ABTB3: variants seen among roughly 807,000 people sequenced by gnomAD.
The protein encoded by ABTB3 is ankyrin repeat- and BTB/POZ domain-containing protein 3.
chr12:107,390,647 G>A, the ABTB3 span, among the ~76,000 whole-genome samples: 1 of 152,200 alleles, frequency 6.6e-6, no homozygotes, highest in Non-Finnish European at 1.5e-5. Context: ...AACAATACTG[G>A]TTAGTGCTGA....
chr12:107,596,026 T>C, the ABTB3 span, among the ~76,000 whole-genome samples: 1 of 152,180 alleles, frequency 6.6e-6, no homozygotes, highest in Admixed American at 6.5e-5. Context: ...ATAAATGCTA[T>C]GTGTTTGCTA....
the ABTB3 span, chr12:107,620,277 A>G: frequency 4.0e-4 from 550 of 1,370,346 alleles, 2 homozygotes; most frequent in Middle Eastern, 4.9e-3. Context: ...CACTACGGTC[A>G]TAGCGACCAG....
chr12:107,577,355 G>A, the ABTB3 span, among the ~76,000 whole-genome samples: 12 of 152,112 alleles, frequency 7.9e-5, no homozygotes, highest in Non-Finnish European at 1.6e-4. Context: ...GCAGATCCAG[G>A]GCTGGGATTC....
At chr12:107,559,198 C>T in the ABTB3 span, among the ~76,000 whole-genome samples, 2 of 152,204 alleles carry the variant, frequency 1.3e-5, no homozygotes, top group African/African-American at 4.8e-5. Flanking sequence ...ATGACAAGCC[C>T]ATGGCTGAGT....
chr12:107,461,020 A>G, the ABTB3 span, among the ~76,000 whole-genome samples: 5 of 152,202 alleles, frequency 3.3e-5, no homozygotes, highest in African/African-American at 1.2e-4. Flanking sequence ...TAATGGGCTC[A>G]CAGTTCCTCA....
chr12:107,613,023 G>T, the ABTB3 span, among the ~76,000 whole-genome samples: 1 of 152,176 alleles, frequency 6.6e-6, no homozygotes, highest in Non-Finnish European at 1.5e-5. Context: ...TGTGGCCCTG[G>T]TGAGACCACC....
chr12:107,628,129 G>T, the ABTB3 span, among the ~76,000 whole-genome samples: 1 of 152,140 alleles, frequency 6.6e-6, no homozygotes, highest in Admixed American at 6.5e-5. Context: ...ATCTGTAGAG[G>T]TGGGTCTTTT....
the ABTB3 span, among the ~76,000 whole-genome samples, chr12:107,336,157 CA>C: frequency 6.6e-6 from 1 of 152,212 alleles, no homozygotes; most frequent in Non-Finnish European, 1.5e-5. Context: ...AGACACTTCC[CA>C]ACCTTCCATG....
the ABTB3 span, among the ~76,000 whole-genome samples, chr12:107,558,939 A>AC: frequency 7.9e-5 from 12 of 151,762 alleles, no homozygotes; most frequent in African/African-American, 2.9e-4. Flanking sequence ...CCTCTTGCCC[A>AC]CCCCCCGTGG....
chr12:107,439,597 C>A, the ABTB3 span, among the ~76,000 whole-genome samples: 3 of 152,196 alleles, frequency 2.0e-5, no homozygotes, highest in African/African-American at 7.2e-5. Context: ...TTTCTCCCGG[C>A]CCAGCACAGA....
the ABTB3 span, among the ~76,000 whole-genome samples, chr12:107,530,360 C>T: frequency 2.2e-3 from 338 of 152,296 alleles, 3 homozygotes; most frequent in African/African-American, 7.8e-3. Flanking sequence ...GTCTTCCACC[C>T]TCAACCTAGA....
chr12:107,656,170 G>A, the ABTB3 span, among the ~76,000 whole-genome samples: 3,399 of 150,762 alleles, frequency 0.023, 144 homozygotes, highest in African/African-American at 0.078. Flanking sequence ...ACATGGTGGC[G>A]CACACCTCTA....
At chr12:107,514,239 C>G in the ABTB3 span, among the ~76,000 whole-genome samples, 1 of 152,160 alleles carries the variant, frequency 6.6e-6, no homozygotes, top group Non-Finnish European at 1.5e-5. Flanking sequence ...TGCCGCCAGG[C>G]CAGTCCCAGA....
the ABTB3 span, among the ~76,000 whole-genome samples, chr12:107,388,194 A>G: frequency 1.3e-5 from 2 of 150,548 alleles, no homozygotes; most frequent in African/African-American, 4.9e-5. Flanking sequence ...CTAGCCTCGA[A>G]CTCCTGATCT....
the ABTB3 span, among the ~76,000 whole-genome samples, chr12:107,578,264 A>G: frequency 6.6e-6 from 1 of 152,150 alleles, no homozygotes; most frequent in East Asian, 1.9e-4. Flanking sequence ...GAATAGGTAC[A>G]TAGAAAATTC....
the ABTB3 span, among the ~76,000 whole-genome samples, chr12:107,326,183 G>T: frequency 1.3e-5 from 2 of 152,206 alleles, no homozygotes; most frequent in Non-Finnish European, 2.9e-5. Flanking sequence ...GGGATTACAG[G>T]CATGAGCCCC....
chr12:107,437,998 C>T, the ABTB3 span, among the ~76,000 whole-genome samples: 7 of 152,100 alleles, frequency 4.6e-5, 1 homozygote, highest in Non-Finnish European at 2.9e-5. Flanking sequence ...ACAAGAGAGA[C>T]TGATTTGCAT....
At chr12:107,347,444 G>T in the ABTB3 span, among the ~76,000 whole-genome samples, 7 of 151,734 alleles carry the variant, frequency 4.6e-5, no homozygotes, top group Non-Finnish European at 1.0e-4. Context: ...CCCAGGAAGG[G>T]CTCAGCTGGC....
chr12:107,346,239 T>C, the ABTB3 span, among the ~76,000 whole-genome samples: 1 of 151,986 alleles, frequency 6.6e-6, no homozygotes, highest in Admixed American at 6.5e-5. Flanking sequence ...TCTGAGTTTG[T>C]GATGTGGGGG....
Sources: gnomAD v4.1 joint callset for allele counts (sites outside exome capture counted in the v4.1 genomes callset) on GRCh38, gnomAD v4.1.1 for gene constraint, MANE v1.5 for transcripts, NCBI Gene and HGNC (gene_info 2026-07-23, HGNC 2026-07-21) for gene names.